Variants in KIF7 observed in about 807,000 individuals in gnomAD.
The protein encoded by KIF7 is kinesin-like protein KIF7.
KIF7 carries 104 observed loss-of-function variants against 135.7 expected under a neutral mutation model. That is an observed-to-expected ratio of 0.77 (90% CI 0.65 to 0.90). KIF7 has a LOEUF of 0.90. Among genes scored for constraint, KIF7 ranks in the 40% least tolerant of loss-of-function variants. KIF7 has a pLI of 0.00. For synonymous variants in KIF7, 883 were observed against 809.4 expected (o/e 1.09, Z -1.54); for missense variants, 2,005 against 1,839.1 (o/e 1.09, Z -1.65).
Position 89,628,586 on chromosome 15 carries a change from A to AC in KIF7, c.3864dup (p.Ser1289ValfsTer12), listed in dbSNP as rs1420309660. The AC allele has an allele frequency of 6.2e-7, 1 of 1,613,278 alleles. No individual in the cohort carries two copies. The highest frequency in any genetic ancestry group is 1.7e-5 in the Admixed American group (1 of 60,016). Reference sequence around the variant, plus strand: ...TCCCGCTGCCTCAGTTCCTCGGGGGACCCCTGCTCCTCACCACACAGGCTC... The same window carrying AC: ...TCCCGCTGCCTCAGTTCCTCGGGGGACCCCCTGCTCCTCACCACACAGGCTC... On this transcript the variant is annotated frameshift_variant, in exon 19 of 19. Transcript: ENST00000394412. LOFTEE classifies it low-confidence loss of function (END_TRUNC).
At chr15:89,629,846 G>A (rs1169231787) in intron 16 of KIF7, 62 of 564,570 alleles carry the variant, frequency 1.1e-4, no homozygotes, top group Non-Finnish European at 3.5e-5. Context: ...TCAAGTTGTG[G>A]GATTTCATCT....
At chr15:89,624,922 G>A (rs1963490760), downstream of KIF7, 1 of 1,614,060 alleles carries the variant, frequency 6.2e-7, no homozygotes, top group East Asian at 2.2e-5. Context: ...CCAGGCTTCG[G>A]CACAACTAGA....
At chr15:89,625,692 A>G, downstream of KIF7, 1 of 1,613,614 alleles carries the variant, frequency 6.2e-7, no homozygotes, top group Non-Finnish European at 8.5e-7. Context: ...GTGACCTGAG[A>G]GAAGATTCAG....
intron 11 of KIF7, among the ~76,000 whole-genome samples, chr15:89,638,647 A>T (rs966861620): frequency 1.3e-4 from 20 of 151,162 alleles, no homozygotes; most frequent in Non-Finnish European, 7.4e-5. Context: ...ATAAAAGAGG[A>T]TACAAACAAA....
chr15:89,650,175 C>T (rs1329899715), intron 2 of KIF7: 1 of 558,036 alleles, frequency 1.8e-6, no homozygotes. Context: ...CAATCAACCC[C>T]TTTCATGCTG....
intron 1 of KIF7, among the ~76,000 whole-genome samples, chr15:89,619,221 C>CTTTTT (rs386383750): frequency 0.024 from 2,695 of 111,760 alleles, 70 homozygotes; most frequent in African/African-American, 0.029. Flanking sequence ...CACCATTCTT[C>CTTTTT]TTTTTTTTTT....
chr15:89,617,369 T>A (rs961915303), intron 2 of KIF7, among the ~76,000 whole-genome samples: 1 of 152,224 alleles, frequency 6.6e-6, no homozygotes, highest in Non-Finnish European at 1.5e-5. Flanking sequence ...TTGGCAGAAA[T>A]TAAGGCTCTT....
intron 1 of KIF7, among the ~76,000 whole-genome samples, chr15:89,653,624 C>T (rs1964159224): frequency 6.6e-6 from 1 of 152,174 alleles, no homozygotes; most frequent in Admixed American, 6.5e-5. Context: ...TTCACCCAGA[C>T]TGGAGTACAG....
chr15:89,625,456 C>T (rs1449403811), downstream of KIF7: 3 of 1,613,862 alleles, frequency 1.9e-6, no homozygotes, highest in Non-Finnish European at 2.5e-6. Flanking sequence ...CCTGTCACTG[C>T]TTGAGTCAGA....
intron 11 of KIF7, among the ~76,000 whole-genome samples, chr15:89,637,030 C>T (rs1251764264): frequency 1.4e-5 from 1 of 73,552 alleles, no homozygotes; most frequent in Non-Finnish European, 2.7e-5. Context: ...GAATCTCACT[C>T]AAAACCGCTC....
upstream of KIF7, among the ~76,000 whole-genome samples, chr15:89,655,809 C>T (rs1964200834): frequency 6.6e-6 from 1 of 152,196 alleles, no homozygotes; most frequent in Non-Finnish European, 1.5e-5. Context: ...AATCTCCCCA[C>T]GTTTAAAAAA....
chr15:89,643,871 G>A (rs549104629), intron 10 of KIF7, among the ~76,000 whole-genome samples: 1 of 126,422 alleles, frequency 7.9e-6, no homozygotes, highest in East Asian at 2.5e-4. Flanking sequence ...GCAACAGAGT[G>A]AGACTCCGTC....
intron 10 of KIF7, among the ~76,000 whole-genome samples, chr15:89,643,662 G>A (rs902919860): frequency 2.0e-5 from 3 of 152,178 alleles, no homozygotes; most frequent in Non-Finnish European, 2.9e-5. Flanking sequence ...TGAGGTGAGC[G>A]GATCACGAGG....
chr15:89,641,931 C>A (rs1337272955), intron 11 of KIF7, among the ~76,000 whole-genome samples: 1 of 152,112 alleles, frequency 6.6e-6, no homozygotes, highest in Non-Finnish European at 1.5e-5. Context: ...GAGGACTGCA[C>A]GCTGCAGGGT....
the KIF7 span, among the ~76,000 whole-genome samples, chr15:89,662,152 T>C: frequency 2.0e-5 from 3 of 152,216 alleles, no homozygotes; most frequent in African/African-American, 7.2e-5. Context: ...GTCATAGTGG[T>C]ATCTCTCTCT....
rs794727316 is a variant in KIF7, at chr15:89,652,870, G to C, written c.61C>G (p.Arg21Gly). 1.3e-6 allele frequency: 2 copies of C among 1,545,442 alleles called. No homozygotes were observed. Among genetic ancestry groups the C allele is most frequent in the African/African-American group, 2.7e-5 (2 of 73,008 alleles). ...AEEAPVRVAL[R>G]VRPLLPKELL... ...TCCTTGGGCAGCAGTGGTCGAACTC[G>C]CAGGGCAACCCGCACTGGGGCCTCC... Residue 21 changes from arginine (R) to glycine (G), a missense_variant, in exon 2 of 19, where the codon CGA becomes GGA. Physicochemically the swap from Arg to Gly is moderately radical, Grantham distance 125. Coordinates refer to ENST00000394412, the MANE Select transcript of KIF7 (RefSeq NM_198525.3).
At chr15:89,647,779 C>A in intron 5 of KIF7, 67 bp from the exon 6 acceptor site, 1 of 1,195,212 alleles carries the variant, frequency 8.4e-7, no homozygotes. Context: ...CCGGCCTCTT[C>A]TTGTTTAGCC....
intron 14 of KIF7, among the ~76,000 whole-genome samples, chr15:89,632,563 G>A (rs1040755811): frequency 6.6e-6 from 1 of 152,170 alleles, no homozygotes; most frequent in African/African-American, 2.4e-5. Context: ...GGGATGCACA[G>A]GATAGAACCC....
chr15:89,638,590 A>G (rs1160687008), intron 11 of KIF7, among the ~76,000 whole-genome samples: 2 of 151,928 alleles, frequency 1.3e-5, no homozygotes, highest in Non-Finnish European at 2.9e-5. Context: ...CTTACAAGGG[A>G]TGTGAAGGAC....
Sources: allele counts gnomAD v4.1 joint callset (sites outside exome capture counted in the v4.1 genomes callset), GRCh38; gene constraint gnomAD v4.1.1; transcripts MANE v1.5; gene names NCBI Gene and HGNC (gene_info 2026-07-23, HGNC 2026-07-21).